AOC2: variants seen among roughly 807,000 people sequenced by gnomAD.
The protein encoded by AOC2 is amine oxidase copper containing 2.
AOC2 carries 57 observed loss-of-function variants against 53.8 expected under a neutral mutation model. That is an observed-to-expected ratio of 1.06 (90% CI 0.86 to 1.32). The LOEUF is 1.32. Among genes scored for constraint, AOC2 ranks in the 40% most tolerant of loss-of-function variants. AOC2 has a pLI of 0.00. For synonymous variants in AOC2, 404 were observed against 399.0 expected, an observed-to-expected ratio of 1.01 and a Z score of -0.15; for missense variants, 1,008 against 957.2, an observed-to-expected ratio of 1.05 and a Z score of -0.70.
chr17:42,846,248 G>A (rs2144273755), intron 1 of AOC2, 34 bp downstream of exon 1: 7 of 1,501,370 alleles, frequency 4.7e-6, no homozygotes, highest in Non-Finnish European at 5.3e-6. Flanking sequence ...GGAGACTTGG[G>A]GGCGGGGTCA....
chr17:42,849,701 TTCA>T lies in AOC2; in HGVS notation c.1979_1981del (p.Ile660del). On this transcript the variant is annotated inframe_deletion, in exon 3 of 4. Coordinates refer to ENST00000253799, the MANE Select transcript of AOC2 (RefSeq NM_009590.4). ...GACACCCACAGTTACCTTTGCTGAC[TTCA>T]TCAACAATGAAACCCTCTTAGGAGA... The T allele has an allele frequency of 1.2e-6, 2 of 1,614,230 alleles. No homozygotes were observed. Among genetic ancestry groups the T allele is most frequent in the Non-Finnish European group, 1.7e-6 (2 of 1,180,040 alleles).
chr17:42,845,857 G>T lies in AOC2; in HGVS notation c.1231G>T (p.Val411Leu). ...CACGATGGTGGACATCCATATATTA[G>T]TGGGCAAAGGGGCAGTCCAGCTGCT... ...QATMVDIHIL[V>L]GKGAVQLLPG... Residue 411 changes from valine to leucine, a missense_variant, in exon 1 of 4, where the codon GTG becomes TTG. Physicochemically the swap from Val to Leu is conservative, Grantham distance 32. Coordinates refer to ENST00000253799, the MANE Select transcript of AOC2 (RefSeq NM_009590.4). The T allele has an allele frequency of 6.2e-7, 1 of 1,614,146 alleles. No homozygotes were observed. Among genetic ancestry groups the T allele is most frequent in the Non-Finnish European group, 8.5e-7 (1 of 1,180,034 alleles).
chr17:42,844,854 G>T lies in AOC2; in HGVS notation c.228G>T (p.Gly76=). The T allele has an allele frequency of 1.9e-6, 3 of 1,612,374 alleles. No individual in the cohort carries two copies. The highest frequency in any genetic ancestry group is 2.5e-6 in the Non-Finnish European group (3 of 1,178,800). ...TGCGCTTTCTGACCCAGCGGCTGGG[G>T]CCAGGGCTGGTGGACGCAGCCCAGG... ...AVMRFLTQRL[G]PGLVDAAQAQ... Residue 76 remains glycine (G), a synonymous_variant, in exon 1 of 4, where the codon GGG becomes GGT. Transcript: ENST00000253799.
In AOC2 at chr17:42,845,769, C is replaced by G. The variant is rs750790749; in HGVS notation, c.1143C>G (p.Ser381Arg). ...PKTMLTRYLD[S>R]SFGLGRNSRG... is the part of the protein sequence containing the mutation. ...CGATGCTGACTCGCTATTTGGATAG[C>G]AGCTTTGGACTCGGCCGTAACAGCC... The change falls in exon 1 of 4, where the codon AGC (serine) becomes AGG (arginine). Residue 381 changes from serine to arginine, a missense_variant. Ser to Arg is a moderately radical substitution (Grantham distance 110). Coordinates refer to ENST00000253799, the MANE Select transcript of AOC2 (RefSeq NM_009590.4). 1.4e-5 allele frequency: 23 copies of G among 1,614,044 alleles called. No individual in the cohort carries two copies. The highest frequency in any genetic ancestry group is 1.9e-5 in the Non-Finnish European group (22 of 1,180,048).
intron 2 of AOC2, 62 bp from the exon 3 acceptor site, chr17:42,849,539 C>G (rs2055630724): frequency 6.2e-7 from 1 of 1,612,850 alleles, no homozygotes; most frequent in Non-Finnish European, 8.5e-7. Flanking sequence ...ATCTAAGGGA[C>G]TCCTGGGCCA....
Position 42,850,242 on chromosome 17 carries a change from A to T in AOC2, c.2165A>T (p.Glu722Val). The change falls in exon 4 of 4, where the codon GAG becomes GTG. Residue 722 changes from glutamate (E) to valine (V), a missense_variant. Glu to Val is a moderately radical substitution (Grantham distance 121). Coordinates refer to ENST00000253799, the MANE Select transcript of AOC2 (RefSeq NM_009590.4). ...TTCTCCCCTGGCAGTGTCTACTTTG[A>T]GAAGGGCCAGGATGCTGGGCTCTGC... is the stretch of plus-strand genomic sequence containing the variant. ...SIFSPGSVYFEKGQDAGLCSI... is the reference protein window; with the variant it reads ...SIFSPGSVYFVKGQDAGLCSI... The T allele has an allele frequency of 6.2e-7, 1 of 1,614,130 alleles. No homozygotes were observed. The highest frequency in any genetic ancestry group is 8.5e-7 in the Non-Finnish European group (1 of 1,180,022).
At chr17:42,849,469 T>C in intron 2 of AOC2, 98 bp downstream of exon 2, 6 of 1,579,904 alleles carry the variant, frequency 3.8e-6, no homozygotes, top group Non-Finnish European at 4.3e-6. Flanking sequence ...CATTCATCCC[T>C]GTACCTCCCC....
chr17:42,847,107 G>A (rs575503670), intron 1 of AOC2, among the ~76,000 whole-genome samples: 1 of 152,370 alleles, frequency 6.6e-6, no homozygotes, highest in African/African-American at 2.4e-5. Context: ...ACTTGCACTT[G>A]TGTTCGCAGT....
chr17:42,849,963 A>T, intron 3 of AOC2, 119 bp from the exon 4 acceptor site: 1 of 1,411,806 alleles, frequency 7.1e-7, no homozygotes, highest in East Asian at 2.3e-5. Context: ...CACGTGTTGT[A>T]TGGGCATGAG....
chr17:42,847,401 A>G (rs922684403), intron 1 of AOC2, among the ~76,000 whole-genome samples: 6 of 152,190 alleles, frequency 3.9e-5, no homozygotes, highest in African/African-American at 1.4e-4. Flanking sequence ...GTACCTTCAT[A>G]TAGGTCTCGT....
At chr17:42,848,506 AGTGTGACAGAGG>A (rs1349924604) in intron 1 of AOC2, among the ~76,000 whole-genome samples, 4 of 144,114 alleles carry the variant, frequency 2.8e-5, no homozygotes, top group African/African-American at 1.1e-4. Context: ...AAGTGTGGCT[AGTGTGACAGAGG>A]AACTGAATAT....
Position 42,846,215 on chromosome 17 carries a change from G to A in AOC2, c.1588+1G>A. On this transcript the variant is annotated splice_donor_variant, in intron 1 of 3. Transcript: ENST00000253799. LOFTEE classifies it high-confidence loss of function. The stretch of plus-strand genomic sequence containing the variant: ...TTCAAGCTGGACCTGGATGTGGCAG[G>A]TGAGTGCTGAGGGGATGAGGATGGA... 1.3e-6 allele frequency: 2 copies of A among 1,518,728 alleles called. No homozygotes were observed. Among genetic ancestry groups the A allele is most frequent in the Non-Finnish European group, 1.8e-6 (2 of 1,133,574 alleles). The allele number at this position is 1,518,728 out of a possible 1,614,324, so 94.1% of individuals were successfully genotyped here. A position where few individuals can be genotyped will look rare whatever the true frequency, so the allele number is the denominator to read the frequency against.
intron 1 of AOC2, among the ~76,000 whole-genome samples, chr17:42,847,716 T>C (rs1314025406): frequency 6.6e-6 from 1 of 151,598 alleles, no homozygotes; most frequent in African/African-American, 2.4e-5. Context: ...CCTCCTGGGC[T>C]CAAGCAATCC....
At position 42,844,984 on chromosome 17, in the gene AOC2, G is replaced by A; in HGVS notation, c.358G>A (p.Ala120Thr). ...DRGSPPPAREALAIVLFGGQP... is the reference protein window; with the variant it reads ...DRGSPPPARETLAIVLFGGQP... ...GGGGAGCCCCCCACCTGCCCGGGAG[G>A]CACTGGCCATCGTCCTCTTTGGTGG... Residue 120 changes from alanine to threonine, a missense_variant, in exon 1 of 4, where the codon GCA (alanine) becomes ACA (threonine). Physicochemically the swap from Ala to Thr is moderately conservative, Grantham distance 58. Coordinates refer to ENST00000253799, the MANE Select transcript of AOC2 (RefSeq NM_009590.4). The A allele has an allele frequency of 2.5e-6, 4 of 1,611,550 alleles. No homozygotes were observed. The highest frequency in any genetic ancestry group is 2.2e-5 in the South Asian group (2 of 90,968).
In AOC2 at chr17:42,849,312, C is replaced by A; in HGVS notation, c.1815C>A (p.Ser605Arg). The A allele has an allele frequency of 6.2e-7, 1 of 1,614,158 alleles. No homozygotes were observed. ...HQRGYRIQIH[S>R]PLGIHIPLES... is the part of the protein sequence containing the mutation. ...GCGGGTACCGAATCCAGATCCACAG[C>A]CCCCTTGGCATACACATACCCCTGG... Residue 605 changes from serine to arginine, a missense_variant, in exon 2 of 4, where the codon AGC (serine) becomes AGA (arginine). Physicochemically the swap from Ser to Arg is moderately radical, Grantham distance 110 (BLOSUM62 -1). Transcript: ENST00000253799.
intron 1 of AOC2, among the ~76,000 whole-genome samples, chr17:42,846,631 A>G (rs1230848475): frequency 6.6e-6 from 1 of 152,094 alleles, no homozygotes; most frequent in African/African-American, 2.4e-5. Context: ...CCGAGGTCGG[A>G]AGAAGTCTGT....
intron 1 of AOC2, 150 bp from the exon 2 acceptor site, chr17:42,848,936 G>A (rs1378158641): frequency 1.2e-6 from 1 of 832,478 alleles, no homozygotes; most frequent in African/African-American, 1.7e-5. Flanking sequence ...GCTTGCTCTT[G>A]CCCAGACCTC....
In AOC2 at chr17:42,849,424, C is replaced by A. The variant is rs555368684; in HGVS notation, c.1874+53C>A. 13 of 1,590,164 alleles carry A rather than the reference C, an allele frequency of 8.2e-6. No homozygotes were observed. The East Asian group carries it at 2.7e-4, about 33-fold the overall frequency. ...GGAAAGGACAGCCCCTCCCCTGCCC[C>A]AGTCCTTGGAGACAAACTCCCTTCC... On this transcript the variant is annotated intron_variant, in intron 2 of 3. Transcript: ENST00000253799.
chr17:42,849,434 A>G, intron 2 of AOC2, 63 bp downstream of exon 2: 1 of 1,583,986 alleles, frequency 6.3e-7, no homozygotes, highest in Non-Finnish European at 8.6e-7. Flanking sequence ...CAGTCCTTGG[A>G]GACAAACTCC....
Sources: allele counts gnomAD v4.1 joint callset (sites outside exome capture counted in the v4.1 genomes callset), GRCh38; gene constraint gnomAD v4.1.1; transcripts MANE v1.5; gene names NCBI Gene and HGNC (gene_info 2026-07-23, HGNC 2026-07-21).